Variants in CHCHD3 observed in about 807,000 individuals in gnomAD.
The protein encoded by CHCHD3 is MICOS complex subunit MIC19.
In CHCHD3, 20 loss-of-function variants were observed where a neutral mutation model predicts 38.2. The observed-to-expected ratio is 0.52, with a 90% confidence interval of 0.37 to 0.76. The LOEUF is 0.76. Among genes scored for constraint, CHCHD3 ranks in the 30% least tolerant of loss-of-function variants. The pLI, the probability that CHCHD3 is intolerant of heterozygous loss-of-function variation, is 0.00. For synonymous variants in CHCHD3, 82 were observed against 100.0 expected (o/e 0.82, Z 1.07); for missense variants, 245 against 279.2 (o/e 0.88, Z 0.87).
intron 4 of CHCHD3, among the ~76,000 whole-genome samples, chr7:132,904,911 A>G (rs1585623922): frequency 6.6e-6 from 1 of 152,340 alleles, no homozygotes; most frequent in East Asian, 1.9e-4. Context: ...CTATGCAGCC[A>G]TAAGAAAGGA....
intron 4 of CHCHD3, among the ~76,000 whole-genome samples, chr7:132,939,383 C>G (rs892718989): frequency 6.6e-6 from 1 of 152,094 alleles, no homozygotes; most frequent in Non-Finnish European, 1.5e-5. Context: ...CCATTTTTAT[C>G]TTTTATGCTA....
intron 2 of CHCHD3, among the ~76,000 whole-genome samples, chr7:133,050,793 C>T (rs1380968294): frequency 6.6e-6 from 1 of 151,972 alleles, no homozygotes; most frequent in Admixed American, 6.6e-5. Context: ...GGGAGATAGA[C>T]CACTTGAGGT....
intron 3 of CHCHD3, among the ~76,000 whole-genome samples, chr7:132,996,258 T>TA (rs1437413835): frequency 6.6e-6 from 1 of 152,168 alleles, no homozygotes; most frequent in African/African-American, 2.4e-5. Context: ...AGGGCACTGT[T>TA]ACGTGCTCTG....
intron 5 of CHCHD3, among the ~76,000 whole-genome samples, chr7:132,848,456 C>G (rs963383183): frequency 1.3e-5 from 2 of 152,164 alleles, no homozygotes; most frequent in African/African-American, 2.4e-5. Context: ...CACAGAAGCT[C>G]TGAAACAGTT....
chr7:132,986,151 G>A (rs1231440301), intron 3 of CHCHD3, among the ~76,000 whole-genome samples: 5 of 150,200 alleles, frequency 3.3e-5, no homozygotes, highest in South Asian at 4.3e-4. Flanking sequence ...ACTCAGGGTT[G>A]AATGGATTAA....
At chr7:132,832,996 T>A (rs1807687173) in intron 6 of CHCHD3, among the ~76,000 whole-genome samples, 1 of 152,238 alleles carries the variant, frequency 6.6e-6, no homozygotes, top group African/African-American at 2.4e-5. Flanking sequence ...ATACAGAGAT[T>A]TCTCCGATAG....
chr7:132,893,402 C>A (rs1260539539), intron 4 of CHCHD3, among the ~76,000 whole-genome samples: 1 of 152,150 alleles, frequency 6.6e-6, no homozygotes, highest in Non-Finnish European at 1.5e-5. Context: ...AAGTAACTTA[C>A]TTACTTTTGA....
chr7:133,011,747 A>C (rs915271219), intron 3 of CHCHD3, among the ~76,000 whole-genome samples: 1 of 152,240 alleles, frequency 6.6e-6, no homozygotes, highest in African/African-American at 2.4e-5. Context: ...ATGGGAAAAC[A>C]GGGACATAAA....
intron 1 of CHCHD3, among the ~76,000 whole-genome samples, chr7:133,080,355 T>C (rs960377127): frequency 6.6e-6 from 1 of 152,244 alleles, no homozygotes; most frequent in African/African-American, 2.4e-5. Flanking sequence ...TCCAACCTTA[T>C]CTAATACTTG....
chr7:132,844,587 T>G (rs1326263551), intron 5 of CHCHD3, among the ~76,000 whole-genome samples: 1 of 152,260 alleles, frequency 6.6e-6, no homozygotes, highest in East Asian at 1.9e-4. Context: ...AGGTGTGATT[T>G]AATAATTTCT....
chr7:132,957,266 A>T (rs886165826), intron 4 of CHCHD3, among the ~76,000 whole-genome samples: 2 of 152,154 alleles, frequency 1.3e-5, no homozygotes, highest in East Asian at 3.9e-4. Context: ...GTCTAAAAAG[A>T]AGTACAGTGA....
intron 5 of CHCHD3, among the ~76,000 whole-genome samples, chr7:132,842,067 C>T (rs1173675854): frequency 2.0e-5 from 3 of 151,934 alleles, no homozygotes; most frequent in Non-Finnish European, 2.9e-5. Context: ...CATTGCATTC[C>T]AGCCTGGGCG....
intron 3 of CHCHD3, among the ~76,000 whole-genome samples, chr7:133,023,625 C>T (rs1245487233): frequency 6.6e-6 from 1 of 152,200 alleles, no homozygotes; most frequent in East Asian, 1.9e-4. Context: ...TATGTGCAAA[C>T]TCCAGAAATA....
intron 7 of CHCHD3, among the ~76,000 whole-genome samples, chr7:132,787,305 T>A (rs1168109762): frequency 1.3e-5 from 2 of 151,954 alleles, no homozygotes; most frequent in Admixed American, 1.3e-4. Flanking sequence ...CCTGACATCC[T>A]CAGCATGATG....
At chr7:132,850,983 A>C (rs1405182791) in intron 5 of CHCHD3, among the ~76,000 whole-genome samples, 1 of 152,182 alleles carries the variant, frequency 6.6e-6, no homozygotes, top group Non-Finnish European at 1.5e-5. Flanking sequence ...AGACAATTCA[A>C]GCTTCATTTC....
intron 5 of CHCHD3, among the ~76,000 whole-genome samples, chr7:132,885,218 C>A (rs1809174007): frequency 6.6e-6 from 1 of 152,088 alleles, no homozygotes; most frequent in Non-Finnish European, 1.5e-5. Context: ...TGCCACTAGA[C>A]TCCAGTCTGG....
chr7:133,046,061 C>T (rs138096906), intron 2 of CHCHD3, among the ~76,000 whole-genome samples: 5 of 152,242 alleles, frequency 3.3e-5, no homozygotes, highest in African/African-American at 1.2e-4. Flanking sequence ...ATACTTAAGC[C>T]TGAATCTTAC....
intron 2 of CHCHD3, among the ~76,000 whole-genome samples, chr7:133,025,809 C>G (rs962473557): frequency 6.6e-6 from 1 of 152,190 alleles, no homozygotes; most frequent in Admixed American, 6.5e-5. Context: ...TGGCCAGGAC[C>G]TAAGTTTTAT....
At chr7:132,863,462 C>T (rs376451017) in intron 5 of CHCHD3, among the ~76,000 whole-genome samples, 37 of 152,150 alleles carry the variant, frequency 2.4e-4, no homozygotes, top group African/African-American at 4.1e-4. Flanking sequence ...TTATAGCACA[C>T]GGGCAGAGTT....
Sources: allele counts gnomAD v4.1 joint callset (sites outside exome capture counted in the v4.1 genomes callset), GRCh38; gene constraint gnomAD v4.1.1; transcripts MANE v1.5; gene names NCBI Gene and HGNC (gene_info 2026-07-23, HGNC 2026-07-21).